Variants in SHISA9 observed in about 807,000 individuals in gnomAD.
SHISA9 encodes shisa family member 9, also known as protein shisa-9.
SHISA9 carries 13 observed loss-of-function variants against 38.0 expected under a neutral mutation model. The observed-to-expected ratio is 0.34, with a 90% CI of 0.22 to 0.54. SHISA9 has a LOEUF of 0.54. Ranked by LOEUF, SHISA9 falls within the 20% of genes least tolerant of loss-of-function variation. The pLI, the probability that SHISA9 is intolerant of heterozygous loss-of-function variation, is 0.91. For missense variants in SHISA9, 538 were observed against 575.8 expected (o/e 0.93, Z 0.67); for synonymous variants, 275 against 242.0 (o/e 1.14, Z -1.27).
At chr16:12,934,503 A>C (rs1052855120) in intron 2 of SHISA9, among the ~76,000 whole-genome samples, 13 of 152,210 alleles carry the variant, frequency 8.5e-5, no homozygotes, top group Admixed American at 3.3e-4. Context: ...TTATGTAACA[A>C]CTATTGATAT....
rs557219931 is a variant in SHISA9 at position 12,925,149 on chromosome 16, A to G, written c.691+8334A>G. Among the ~76,000 whole-genome samples, 33 of 152,290 alleles carry G rather than the reference A, an allele frequency of 2.2e-4. No homozygotes were observed. In the South Asian group the frequency reaches 4.8e-3, roughly 22 times the overall value. On this transcript the variant is annotated intron_variant, in intron 2 of 4. Transcript: ENST00000558583. Reference sequence around the variant, plus strand: ...TTTTCACTCTGCGTGCCAGTTGATAACACCGTGTGTGTGTGTGCATGGGAG... The same window carrying G: ...TTTTCACTCTGCGTGCCAGTTGATAGCACCGTGTGTGTGTGTGCATGGGAG...
chr16:13,497,220 G>T, the SHISA9 span, among the ~76,000 whole-genome samples: 4 of 151,692 alleles, frequency 2.6e-5, no homozygotes, highest in African/African-American at 9.7e-5. Context: ...ACATGTTTAC[G>T]ATGTGGAATG....
intron 2 of SHISA9, among the ~76,000 whole-genome samples, chr16:13,004,770 C>CAA (rs796387504): frequency 3.5e-5 from 5 of 141,040 alleles, no homozygotes; most frequent in African/African-American, 1.3e-4. Flanking sequence ...ACTAAAAATA[C>CAA]AAAAAAAAAA....
intron 2 of SHISA9, among the ~76,000 whole-genome samples, chr16:12,951,651 G>A (rs1044226927): frequency 1.3e-5 from 2 of 152,146 alleles, no homozygotes; most frequent in African/African-American, 4.8e-5. Flanking sequence ...GGGTGCACCT[G>A]CCTGGTAAAA....
At chr16:13,205,405 G>C (rs972393396) in intron 3 of SHISA9, among the ~76,000 whole-genome samples, 2 of 152,170 alleles carry the variant, frequency 1.3e-5, no homozygotes, top group African/African-American at 4.8e-5. Context: ...CCCTGTCTCA[G>C]AGGAGAGATT....
intron 2 of SHISA9, among the ~76,000 whole-genome samples, chr16:13,064,489 C>T (rs1163319626): frequency 1.3e-5 from 2 of 152,076 alleles, no homozygotes; most frequent in Admixed American, 6.6e-5. Flanking sequence ...AATAATAATA[C>T]AAGAATTTTA....
chr16:13,468,098 A>G, the SHISA9 span, among the ~76,000 whole-genome samples: 1 of 152,202 alleles, frequency 6.6e-6, no homozygotes, highest in East Asian at 1.9e-4. Context: ...AAATGGATAT[A>G]GTTTTATTCC....
intron 2 of SHISA9, among the ~76,000 whole-genome samples, chr16:12,961,103 A>T (rs1273917400): frequency 6.6e-6 from 1 of 152,114 alleles, no homozygotes; most frequent in Non-Finnish European, 1.5e-5. Flanking sequence ...TTTCCTGGGG[A>T]ATCCAGGCTT....
At chr16:13,008,132 T>TA (rs1247162537) in intron 2 of SHISA9, among the ~76,000 whole-genome samples, 2 of 152,126 alleles carry the variant, frequency 1.3e-5, no homozygotes, top group African/African-American at 4.8e-5. Context: ...AATAACAGGT[T>TA]AAAAAATATG....
chr16:13,299,832 G>A, the SHISA9 span, among the ~76,000 whole-genome samples: 5 of 152,050 alleles, frequency 3.3e-5, no homozygotes, highest in Non-Finnish European at 5.9e-5. Context: ...TCCCTGCTAC[G>A]TGTGCATGGG....
intron 2 of SHISA9, among the ~76,000 whole-genome samples, chr16:13,056,107 T>C (rs942920327): frequency 6.6e-6 from 1 of 152,214 alleles, no homozygotes; most frequent in East Asian, 1.9e-4. Context: ...GCCTGACACA[T>C]AGCAGGTGCT....
the SHISA9 span, among the ~76,000 whole-genome samples, chr16:13,541,398 C>A: frequency 5.3e-5 from 8 of 152,094 alleles, no homozygotes; most frequent in Admixed American, 4.6e-4. Context: ...ATATATAGCC[C>A]CACAAAATGT....
the SHISA9 span, among the ~76,000 whole-genome samples, chr16:13,486,109 T>C: frequency 6.6e-6 from 1 of 152,142 alleles, no homozygotes; most frequent in South Asian, 2.1e-4. Context: ...CTGCACGGAG[T>C]TGATTCCAGA....
At chr16:13,262,787 C>A in the SHISA9 span, among the ~76,000 whole-genome samples, 4 of 152,036 alleles carry the variant, frequency 2.6e-5, no homozygotes, top group Non-Finnish European at 5.9e-5. Context: ...AACACTCCAG[C>A]ATGAAGTATG....
intron 2 of SHISA9, among the ~76,000 whole-genome samples, chr16:13,007,863 C>G (rs2072618607): frequency 6.6e-6 from 1 of 152,164 alleles, no homozygotes; most frequent in African/African-American, 2.4e-5. Context: ...GTTTACATTC[C>G]TTCCTTTTTT....
At chr16:13,047,087 A>G (rs2073196446) in intron 2 of SHISA9, among the ~76,000 whole-genome samples, 1 of 152,140 alleles carries the variant, frequency 6.6e-6, no homozygotes, top group African/African-American at 2.4e-5. Context: ...ATTTTCTAGA[A>G]TGATAAACCG....
intron 4 of SHISA9, among the ~76,000 whole-genome samples, chr16:13,228,516 C>A (rs1474432626): frequency 1.3e-5 from 2 of 152,128 alleles, no homozygotes; most frequent in Non-Finnish European, 2.9e-5. Context: ...TCAGAGCAGA[C>A]CTCAGACTGG....
intron 2 of SHISA9, among the ~76,000 whole-genome samples, chr16:13,157,303 T>C (rs1243498487): frequency 6.6e-6 from 1 of 152,234 alleles, no homozygotes; most frequent in Non-Finnish European, 1.5e-5. Flanking sequence ...AGCTTCGCAC[T>C]AATATATGTG....
the SHISA9 span, among the ~76,000 whole-genome samples, chr16:13,400,559 C>T: frequency 2.0e-5 from 3 of 152,318 alleles, no homozygotes; most frequent in Non-Finnish European, 4.4e-5. Context: ...CCATGTCTAA[C>T]AGGAGGGCTT....
Sources: gnomAD v4.1 joint callset for allele counts (sites outside exome capture counted in the v4.1 genomes callset) on GRCh38, gnomAD v4.1.1 for gene constraint, MANE v1.5 for transcripts, NCBI Gene and HGNC (gene_info 2026-07-23, HGNC 2026-07-21) for gene names.